Variants in CEP70 observed in about 807,000 individuals in gnomAD.
The protein encoded by CEP70 is centrosomal protein 70, also known as centrosomal protein of 70 kDa.
CEP70 carries 70 observed loss-of-function variants against 90.9 expected under a neutral mutation model. That is an observed-to-expected ratio of 0.77 (90% CI 0.64 to 0.94). The LOEUF (loss-of-function observed/expected upper bound fraction) is 0.94. Ranked by LOEUF, CEP70 falls within the 40% of genes least tolerant of loss-of-function variation. CEP70 has a pLI of 0.00. For synonymous variants in CEP70, 220 were observed against 228.3 expected (o/e 0.96, Z 0.33); for missense variants, 648 against 669.0 (o/e 0.97, Z 0.35).
At chr3:138,537,030 A>T in intron 7 of CEP70, 148 bp downstream of exon 7, 6 of 403,272 alleles carry the variant, frequency 1.5e-5, no homozygotes, top group Non-Finnish European at 2.2e-5. Flanking sequence ...GAACAGGATG[A>T]GCAGGGAAAA....
At chr3:138,576,918 C>A (rs2041565932) in intron 2 of CEP70, among the ~76,000 whole-genome samples, 1 of 152,156 alleles carries the variant, frequency 6.6e-6, no homozygotes, top group Non-Finnish European at 1.5e-5. Flanking sequence ...AACAAAGACA[C>A]AACATACCAG....
chr3:138,582,329 A>T (rs2041903916), intron 2 of CEP70, among the ~76,000 whole-genome samples: 1 of 152,008 alleles, frequency 6.6e-6, no homozygotes, highest in South Asian at 2.1e-4. Context: ...AAAATTAGCC[A>T]GGCGTGGTGG....
intron 11 of CEP70, among the ~76,000 whole-genome samples, chr3:138,518,251 T>C (rs753465963): frequency 3.8e-4 from 58 of 152,342 alleles, no homozygotes; most frequent in Non-Finnish European, 6.9e-4. Context: ...ACTCTAGCTC[T>C]AGGGGCAGGG....
chr3:138,508,241 A>G (rs972506039), intron 12 of CEP70, among the ~76,000 whole-genome samples, 198 bp downstream of exon 12: 2 of 152,204 alleles, frequency 1.3e-5, no homozygotes, highest in Admixed American at 6.5e-5. Context: ...ACTAGGCCAG[A>G]GTCTCTTTTA....
At chr3:138,566,379 C>T (rs4894389) in intron 6 of CEP70, among the ~76,000 whole-genome samples, 7,293 of 152,038 alleles carry the variant, frequency 0.048, 565 homozygotes, top group African/African-American at 0.16. Context: ...CACATGCACA[C>T]GTTTATTGCA....
chr3:138,526,906 C>T (rs534595820), intron 10 of CEP70, among the ~76,000 whole-genome samples: 4 of 152,212 alleles, frequency 2.6e-5, no homozygotes, highest in African/African-American at 4.8e-5. Flanking sequence ...AATCATGAAT[C>T]GTAACATCAC....
intron 11 of CEP70, among the ~76,000 whole-genome samples, chr3:138,511,805 A>G (rs912825567): frequency 2.0e-5 from 3 of 152,222 alleles, no homozygotes; most frequent in African/African-American, 7.2e-5. Flanking sequence ...TTCTATTTAT[A>G]TAAGACAATG....
At chr3:138,526,792 T>C (rs746854269) in intron 10 of CEP70, among the ~76,000 whole-genome samples, 3 of 152,214 alleles carry the variant, frequency 2.0e-5, no homozygotes, top group Non-Finnish European at 4.4e-5. Context: ...ATTAATGTAT[T>C]ATACATTTCA....
intron 11 of CEP70, among the ~76,000 whole-genome samples, chr3:138,517,923 C>T (rs1393740599): frequency 6.6e-6 from 1 of 152,194 alleles, no homozygotes; most frequent in African/African-American, 2.4e-5. Flanking sequence ...CAGGGAATTC[C>T]CTTTCCTAGT....
At chr3:138,513,011 C>A (rs150364147) in intron 11 of CEP70, among the ~76,000 whole-genome samples, 9 of 152,308 alleles carry the variant, frequency 5.9e-5, no homozygotes, top group African/African-American at 2.2e-4. Flanking sequence ...TCACTTCAAC[C>A]CAGCACCAGT....
chr3:138,497,409 A>T (rs1395516409), intron 17 of CEP70: 5 of 1,146,132 alleles, frequency 4.4e-6, no homozygotes, highest in Non-Finnish European at 5.5e-6. Flanking sequence ...AACTTTAAAA[A>T]TCATTCTTAA....
At chr3:138,580,889 G>C (rs2041816295) in intron 2 of CEP70, among the ~76,000 whole-genome samples, 1 of 152,060 alleles carries the variant, frequency 6.6e-6, no homozygotes, top group Admixed American at 6.6e-5. Flanking sequence ...AATGAAGAAT[G>C]CATCAGAGCC....
At chr3:138,570,062 T>C (rs1186018010) in intron 6 of CEP70, among the ~76,000 whole-genome samples, 1 of 151,576 alleles carries the variant, frequency 6.6e-6, no homozygotes, top group East Asian at 1.9e-4. Context: ...ATCTAAGGAC[T>C]GAGCACTGGG....
intron 6 of CEP70, among the ~76,000 whole-genome samples, chr3:138,541,926 G>A (rs2038800092): frequency 6.6e-6 from 1 of 152,212 alleles, no homozygotes; most frequent in Non-Finnish European, 1.5e-5. Context: ...GAGAGGCTGA[G>A]GTGGGAGCAT....
At chr3:138,587,330 C>CA (rs1401963146) in intron 2 of CEP70, among the ~76,000 whole-genome samples, 2 of 151,490 alleles carry the variant, frequency 1.3e-5, no homozygotes, top group Non-Finnish European at 2.9e-5. Flanking sequence ...ATGAAAATGA[C>CA]AAAGATAGGC....
intron 13 of CEP70, among the ~76,000 whole-genome samples, chr3:138,504,737 G>A (rs1241393192): frequency 2.0e-5 from 3 of 152,100 alleles, no homozygotes; most frequent in Non-Finnish European, 4.4e-5. Context: ...AATAAAATGT[G>A]GTCTTCCATG....
intron 2 of CEP70, among the ~76,000 whole-genome samples, chr3:138,574,581 GA>G (rs1461215257): frequency 6.6e-6 from 1 of 152,226 alleles, no homozygotes; most frequent in Non-Finnish European, 1.5e-5. Flanking sequence ...CAGCTCTGAA[GA>G]CAGCAGTGGT....
At chr3:138,496,650 A>G in intron 17 of CEP70, 1 of 985,316 alleles carries the variant, frequency 1.0e-6, no homozygotes, top group South Asian at 4.7e-5. Flanking sequence ...GGTACTCTCC[A>G]TGTCTGTTAC....
chr3:138,566,301 T>C (rs976953373), intron 6 of CEP70, among the ~76,000 whole-genome samples: 9 of 152,088 alleles, frequency 5.9e-5, no homozygotes, highest in East Asian at 1.9e-4. Flanking sequence ...AGAAGAAATA[T>C]CATTTGACCC....
Sources: gnomAD v4.1 joint callset for allele counts (sites outside exome capture counted in the v4.1 genomes callset) on GRCh38, gnomAD v4.1.1 for gene constraint, MANE v1.5 for transcripts, NCBI Gene and HGNC (gene_info 2026-07-23, HGNC 2026-07-21) for gene names.